The following LRBA variants were observed in gnomAD, a reference collection of about 807,000 sequenced individuals.
The protein encoded by LRBA is lipopolysaccharide-responsive and beige-like anchor protein.
Under a neutral mutation model 330.0 loss-of-function variants are expected in LRBA, and 176 were observed. That is an observed-to-expected ratio of 0.53 (90% CI 0.47 to 0.60). LRBA has a LOEUF of 0.60. LRBA is among the 20% of genes least tolerant of loss of function. The pLI, the probability that LRBA is intolerant of heterozygous loss-of-function variation, is 0.00. For synonymous variants in LRBA, 1,230 were observed against 1,193.0 expected, an observed-to-expected ratio of 1.03 and a Z score of -0.64; for missense variants, 3,259 against 3,444.8, an observed-to-expected ratio of 0.95 and a Z score of 1.35.
chr4:150,596,819 A>G (rs941141282), intron 38 of LRBA, among the ~76,000 whole-genome samples: 1 of 151,558 alleles, frequency 6.6e-6, no homozygotes, highest in African/African-American at 2.4e-5. Context: ...ACATCGAACA[A>G]TACCATAATA....
intron 50 of LRBA, among the ~76,000 whole-genome samples, chr4:150,320,577 C>A (rs1159789127): frequency 6.6e-6 from 1 of 151,974 alleles, no homozygotes; most frequent in African/African-American, 2.4e-5. Flanking sequence ...GAGGCTGAGG[C>A]AGGAGGACTG....
rs1471925785 is a variant in LRBA at position 150,321,002 on chromosome 4, T to C, written c.7630+189A>G. Among the ~76,000 whole-genome samples the C allele has an allele frequency of 6.6e-6, 1 of 152,132 alleles. No homozygotes were observed. The highest frequency in any genetic ancestry group is 1.5e-5 in the Non-Finnish European group (1 of 68,014). The stretch of plus-strand genomic sequence containing the variant: ...TAAACCACCAGAAGCTAAAAAGTAG[T>C]TTATGTTTTTAACATTTGTACTATA... On this transcript the variant is annotated intron_variant, in intron 50 of 56. Transcript: ENST00000651943. This position sits in a 1 kb window ranked among gnomAD's most constrained non-coding sequence, Gnocchi z 4.5.
intron 34 of LRBA, among the ~76,000 whole-genome samples, chr4:150,784,987 C>T (rs1328087627): frequency 6.6e-6 from 1 of 152,162 alleles, no homozygotes; most frequent in Admixed American, 6.5e-5. Flanking sequence ...TAGACAGAGC[C>T]GATTTATCAA....
chr4:150,384,132 G>A (rs955413579), intron 47 of LRBA, among the ~76,000 whole-genome samples: 4 of 151,830 alleles, frequency 2.6e-5, no homozygotes, highest in East Asian at 1.9e-4. Flanking sequence ...TCCATCTCCC[G>A]GGTTCAAGCG....
intron 52 of LRBA, among the ~76,000 whole-genome samples, chr4:150,303,113 C>A (rs545034726): frequency 1.3e-5 from 2 of 152,150 alleles, no homozygotes; most frequent in African/African-American, 4.8e-5. Flanking sequence ...TAAAGCAGGC[C>A]CAGGAGAACC....
At chr4:150,924,258 T>A (rs1395674928) in intron 4 of LRBA, among the ~76,000 whole-genome samples, 1 of 152,198 alleles carries the variant, frequency 6.6e-6, no homozygotes, top group East Asian at 1.9e-4. Flanking sequence ...ACATCTGTAA[T>A]CTCAACACTT....
chr4:150,978,626 T>C lies in LRBA; in HGVS notation c.216+35801A>G, dbSNP rs1740483623. ...GCTATTTTGAGGAAACTCAAAGAAA[T>C]TGAAGATAACACAAAGAAGGAATTC... is the stretch of plus-strand genomic sequence containing the variant. On this transcript the variant is annotated intron_variant, in intron 2 of 56. Coordinates refer to ENST00000651943, the MANE Select transcript of LRBA (RefSeq NM_001364905.1). Among the ~76,000 whole-genome samples, 3 of 151,972 alleles carry C rather than the reference T, an allele frequency of 2.0e-5. No individual in the cohort carries two copies. In the East Asian group the frequency reaches 5.8e-4, roughly 29 times the overall value.
At chr4:150,589,927 T>C (rs546285057) in intron 39 of LRBA, among the ~76,000 whole-genome samples, 1 of 152,278 alleles carries the variant, frequency 6.6e-6, no homozygotes, top group Admixed American at 6.5e-5. Context: ...GAAGATACCA[T>C]CTTCTCTTTT....
intron 40 of LRBA, among the ~76,000 whole-genome samples, chr4:150,576,100 AG>A (rs1168606100): frequency 1.3e-5 from 2 of 151,306 alleles, no homozygotes; most frequent in Non-Finnish European, 3.0e-5. Context: ...TGAAAGTCAA[AG>A]TTATTTGGCA....
At chr4:150,327,062 G>A (rs1217181410) in intron 48 of LRBA, among the ~76,000 whole-genome samples, 1 of 152,128 alleles carries the variant, frequency 6.6e-6, no homozygotes, top group Non-Finnish European at 1.5e-5. Flanking sequence ...CACAAAGAAG[G>A]AGGTAGCAAC....
At position 150,844,220 on chromosome 4, in the gene LRBA, A is replaced by G. The variant is rs562182391; in HGVS notation, c.4462-13T>C. 1.7e-4 allele frequency: 223 copies of G among 1,279,712 alleles called. No individual in the cohort carries two copies. Among genetic ancestry groups the G allele is most frequent in the Non-Finnish European group, 2.4e-4 (217 of 906,888 alleles). The allele number at this position is 1,279,712 out of a possible 1,614,324, so 79.3% of individuals were successfully genotyped here. A position where few individuals can be genotyped will look rare whatever the true frequency, so the allele number is the denominator to read the frequency against. On this transcript the variant is annotated splice_polypyrimidine_tract_variant and intron_variant, in intron 27 of 56. Transcript: ENST00000651943. Reference sequence around the variant, plus strand: ...TGTCCACTGGGCTCTATTTAAGATTAAAAAAAAATTGTATATATATATATT... The same window carrying G: ...TGTCCACTGGGCTCTATTTAAGATTGAAAAAAAATTGTATATATATATATT...
At chr4:150,968,076 T>C (rs1739110020) in intron 2 of LRBA, among the ~76,000 whole-genome samples, 1 of 149,856 alleles carries the variant, frequency 6.7e-6, no homozygotes, top group South Asian at 2.1e-4. Flanking sequence ...GCGATTTCGG[T>C]TTACTGCAAC....
At chr4:150,803,446 A>C (rs1742058543) in intron 33 of LRBA, among the ~76,000 whole-genome samples, 1 of 152,088 alleles carries the variant, frequency 6.6e-6, no homozygotes, top group African/African-American at 2.4e-5. Context: ...CTTTTGTGAA[A>C]ATTTGAAATT....
Position 150,583,794 on chromosome 4 carries a change from G to C in LRBA, c.6330+4254C>G. On this transcript the variant is annotated intron_variant, in intron 40 of 56. Coordinates refer to ENST00000651943, the MANE Select transcript of LRBA (RefSeq NM_001364905.1). The surrounding 1 kb of genome is among the most constrained non-coding windows in gnomAD (Gnocchi z 9.8). ...GAAACAAGTGCCTCTCAGTGCTGAA[G>C]ACTCTGCGGGACCGCCACCTGGAGC... 1 of 1,614,194 alleles carries C rather than the reference G, an allele frequency of 6.2e-7. No individual in the cohort carries two copies. Among genetic ancestry groups the C allele is most frequent in the Non-Finnish European group, 8.5e-7 (1 of 1,180,032 alleles).
At chr4:150,845,685 G>A (rs1749755652) in intron 26 of LRBA, among the ~76,000 whole-genome samples, 1 of 152,124 alleles carries the variant, frequency 6.6e-6, no homozygotes, top group Non-Finnish European at 1.5e-5. Context: ...TAGAAAGAAA[G>A]TGTTCTGAAA....
intron 45 of LRBA, among the ~76,000 whole-genome samples, chr4:150,436,451 C>T (rs1412993119): frequency 1.3e-5 from 2 of 152,102 alleles, no homozygotes; most frequent in Admixed American, 6.6e-5. Flanking sequence ...TAATAGACTA[C>T]ATTTTAAAAG....
intron 41 of LRBA, among the ~76,000 whole-genome samples, chr4:150,489,311 A>ATATATTACATATAC (rs1758460509): frequency 1.0e-4 from 4 of 39,006 alleles, no homozygotes; most frequent in South Asian, 8.2e-4. Flanking sequence ...ATTATATATA[A>ATATATTACATATAC]GAATATATAA....
At chr4:150,811,262 C>T (rs567880511) in intron 31 of LRBA, among the ~76,000 whole-genome samples, 8 of 152,124 alleles carry the variant, frequency 5.3e-5, no homozygotes, top group Middle Eastern at 3.4e-3. Context: ...TTTTGAAGAC[C>T]ATTTTTATTG....
intron 47 of LRBA, among the ~76,000 whole-genome samples, chr4:150,379,012 A>T (rs1652467255): frequency 6.6e-6 from 1 of 152,192 alleles, no homozygotes; most frequent in South Asian, 2.1e-4. Context: ...TTAAAATAGC[A>T]GATCAGGCCA....
Sources: allele counts gnomAD v4.1 joint callset (sites outside exome capture counted in the v4.1 genomes callset), GRCh38; gene constraint gnomAD v4.1.1; non-coding constraint Gnocchi (gnomAD v3.1); transcripts MANE v1.5; gene names NCBI Gene and HGNC (gene_info 2026-07-23, HGNC 2026-07-21).